Variants in KCTD2 observed in about 807,000 individuals in gnomAD.
The protein encoded by KCTD2 is potassium channel tetramerization domain containing 2.
A neutral mutation model predicts 27.9 loss-of-function variants in KCTD2; 18 were observed. The ratio of observed to expected loss-of-function variants is 0.64; its 90% CI spans 0.45 to 0.96. KCTD2 has a LOEUF of 0.96. Among genes scored for constraint, KCTD2 ranks in the 40% least tolerant of loss-of-function variants. The pLI, the probability that KCTD2 is intolerant of heterozygous loss-of-function variation, is 0.00. For synonymous variants in KCTD2, 175 were observed against 148.4 expected (o/e 1.18, Z -1.30); for missense variants, 280 against 348.0 (o/e 0.80, Z 1.56).
chr17:75,058,707 GA>G (rs1460789776), intron 3 of KCTD2, among the ~76,000 whole-genome samples: 1 of 152,166 alleles, frequency 6.6e-6, no homozygotes, highest in Non-Finnish European at 1.5e-5. Context: ...GCTGAGGCGG[GA>G]GAATCGCTTG....
At position 75,062,529 on chromosome 17, in the gene KCTD2, G is replaced by A. The variant is rs117259305; in HGVS notation, c.762+284G>A. On this transcript the variant is annotated intron_variant, in intron 5 of 5. Transcript: ENST00000322444. ...GCTGGTTGCCACTAATTACTACAGG[G>A]TAGGATTTCTGAACTCAGACTTGGA... 2.5e-3 allele frequency among the ~76,000 whole-genome samples: 385 copies of A among 152,144 alleles called. 11 individuals are homozygous for A. The East Asian group carries it at 0.065, about 26-fold the overall frequency.
chr17:75,051,685 T>C (rs546222322), intron 2 of KCTD2, among the ~76,000 whole-genome samples: 136 of 152,090 alleles, frequency 8.9e-4, no homozygotes, highest in Non-Finnish European at 1.5e-3. Flanking sequence ...TCTGAACTAT[T>C]TGAGAATAGA....
intron 4 of KCTD2, 82 bp from the exon 5 acceptor site, chr17:75,062,038 G>A (rs751612036): frequency 6.2e-5 from 94 of 1,507,914 alleles, no homozygotes; most frequent in Middle Eastern, 1.7e-4. Context: ...AAGTTCAGTC[G>A]GAAGAGGGGT....
Position 75,064,003 on chromosome 17 carries a change from C to G in KCTD2, c.*956C>G, listed in dbSNP as rs1170946623. Reference sequence around the variant, plus strand: ...TGTTGTGTCTCAGAGAGAGTTATTTCTGTGACTCTCTTGGAAATGCCTTGA... The same window carrying G: ...TGTTGTGTCTCAGAGAGAGTTATTTGTGTGACTCTCTTGGAAATGCCTTGA... On this transcript the variant is annotated 3_prime_UTR_variant, in exon 6 of 6. Coordinates refer to ENST00000322444, the MANE Select transcript of KCTD2 (RefSeq NM_015353.3). 1.3e-5 allele frequency: 2 copies of G among 152,776 alleles called. No individual in the cohort carries two copies. Among genetic ancestry groups the G allele is most frequent in the Non-Finnish European group, 2.9e-5 (2 of 68,154 alleles). 9.5% of individuals were successfully genotyped at this position (152,776 alleles called of 1,614,324 possible). A position where few individuals can be genotyped will look rare whatever the true frequency, so the allele number is the denominator to read the frequency against.
Position 75,053,041 on chromosome 17 carries a change from A to C in KCTD2, c.476A>C (p.Asn159Thr). The C allele has an allele frequency of 6.2e-7, 1 of 1,614,170 alleles. No individual in the cohort carries two copies. The highest frequency in any genetic ancestry group is 8.5e-7 in the Non-Finnish European group (1 of 1,180,016). The change falls in exon 3 of 6, where the codon AAC becomes ACC. Residue 159 changes from asparagine (N) to threonine (T), a missense_variant. Physicochemically the swap from Asn to Thr is moderately conservative, Grantham distance 65 (BLOSUM62 0). Transcript: ENST00000322444. ...EGVLEEAEFY[N>T]IASLVRLVKE... ...GTGCTGGAGGAAGCGGAGTTTTACA[A>C]CATCGCGTCCCTTGTGCGGCTGGTT...
At chr17:75,036,673 A>G (rs2040116274) in intron 3 of KCTD2, among the ~76,000 whole-genome samples, 1 of 152,206 alleles carries the variant, frequency 6.6e-6, no homozygotes, top group South Asian at 2.1e-4. Context: ...CGCGAGCTCT[A>G]ACTATGCTCC....
chr17:75,054,629 C>T (rs962540360), intron 3 of KCTD2, among the ~76,000 whole-genome samples: 1 of 151,974 alleles, frequency 6.6e-6, no homozygotes, highest in African/African-American at 2.4e-5. Flanking sequence ...CACGGTGAAA[C>T]CCCGTCTCTA....
intron 3 of KCTD2, among the ~76,000 whole-genome samples, chr17:75,038,329 G>A (rs995898123): frequency 2.0e-5 from 3 of 152,036 alleles, no homozygotes; most frequent in African/African-American, 7.2e-5. Context: ...TTTTAGTAGA[G>A]ATGGGGTTTC....
chr17:75,047,282 C>G lies in KCTD2; in HGVS notation c.32C>G (p.Ala11Gly). The change falls in exon 1 of 6, where the codon GCG becomes GGG. Residue 11 changes from alanine (A) to glycine (G), a missense_variant. Transcript: ENST00000322444. Reference protein sequence around the residue: MAELQLDPAMAGLGGGGGSGV... With the variant: MAELQLDPAMGGLGGGGGSGV... Reference sequence around the variant, plus strand: ...GAACTGCAGCTGGACCCGGCGATGGCGGGGCTGGGAGGGGGCGGCGGGAGT... The same window carrying G: ...GAACTGCAGCTGGACCCGGCGATGGGGGGGCTGGGAGGGGGCGGCGGGAGT... The G allele has an allele frequency of 2.4e-6, 2 of 842,840 alleles. No individual in the cohort carries two copies. The highest frequency in any genetic ancestry group is 1.9e-5 in the African/African-American group (1 of 52,878). The allele number at this position is 842,840 out of a possible 1,614,324, so 52.2% of individuals were successfully genotyped here. A position where few individuals can be genotyped will look rare whatever the true frequency, so the allele number is the denominator to read the frequency against.
At chr17:75,042,747 TAGAG>T (rs1381899313), upstream of KCTD2, 36 of 1,241,824 alleles carry the variant, frequency 2.9e-5, no homozygotes, top group Non-Finnish European at 4.0e-5. Context: ...TAAGAGCTCT[TAGAG>T]AGAATCCTTT....
chr17:75,059,307 TA>T lies in KCTD2; in HGVS notation c.541-198del, dbSNP rs766377900. 1.5e-5 allele frequency: 6 copies of T among 394,634 alleles called. No homozygotes were observed. The East Asian group carries it at 2.2e-4, about 15-fold the overall frequency. 24.4% of individuals were successfully genotyped at this position (394,634 alleles called of 1,614,324 possible). ...CACAGTATGCTGGCTTGTGGTCACT[TA>T]AAAAGAAAAACATTTTTTAAAGAGA... On this transcript the variant is annotated intron_variant, in intron 3 of 5. Transcript: ENST00000322444.
intron 2 of KCTD2, among the ~76,000 whole-genome samples, chr17:75,034,406 A>C (rs1205167321): frequency 2.0e-5 from 3 of 151,840 alleles, no homozygotes; most frequent in African/African-American, 7.3e-5. Flanking sequence ...ACCAAAAGAA[A>C]CCTTGCGAGC....
upstream of KCTD2, among the ~76,000 whole-genome samples, chr17:75,046,634 T>C (rs1036000831): frequency 5.3e-5 from 8 of 152,318 alleles, no homozygotes; most frequent in Non-Finnish European, 8.8e-5. Flanking sequence ...CACCAAACTA[T>C]TGAAGTCTGC....
In KCTD2 at chr17:75,049,097, T is replaced by A. The variant is rs533391601; in HGVS notation, c.340-123T>A. ...AACAAAATTTGCCATCACTAAAGTC[T>A]TTTTTAGCTGATGGAATGAATTGTT... On this transcript the variant is annotated intron_variant, in intron 1 of 5. Coordinates refer to ENST00000322444, the MANE Select transcript of KCTD2 (RefSeq NM_015353.3). The A allele has an allele frequency of 3.3e-5, 20 of 597,840 alleles. No individual in the cohort carries two copies. In the South Asian group the frequency reaches 5.3e-4, roughly 16 times the overall value. The allele number at this position is 597,840 out of a possible 1,614,324, so 37.0% of individuals were successfully genotyped here. A position where few individuals can be genotyped will look rare whatever the true frequency, so the allele number is the denominator to read the frequency against.
In KCTD2 at chr17:75,064,527, A is replaced by T. The variant is rs1023328243; in HGVS notation, c.*1480A>T. 1 of 152,212 alleles carries T rather than the reference A, an allele frequency of 6.6e-6. No individual in the cohort carries two copies. Among genetic ancestry groups the T allele is most frequent in the Non-Finnish European group, 1.5e-5 (1 of 68,066 alleles). The allele number at this position is 152,212 out of a possible 1,614,324, so 9.4% of individuals were successfully genotyped here. On this transcript the variant is annotated 3_prime_UTR_variant, in exon 6 of 6. Transcript: ENST00000322444. ...CTGGAAATGACTGCAGACTGTGCCA[A>T]ATGTCTTTTGAGCTTCTGACCTGAC... is the stretch of plus-strand genomic sequence containing the variant.
upstream of KCTD2, among the ~76,000 whole-genome samples, chr17:75,046,596 T>G (rs1490053241): frequency 6.6e-6 from 1 of 152,220 alleles, no homozygotes; most frequent in East Asian, 1.9e-4. Flanking sequence ...AGGTTAACAC[T>G]GTCTGCGTAA....
At chr17:75,061,864 G>GGT (rs146898601) in intron 4 of KCTD2, among the ~76,000 whole-genome samples, 1 of 143,206 alleles carries the variant, frequency 7.0e-6, no homozygotes, top group Non-Finnish European at 1.6e-5. Context: ...TGCCGCTGAC[G>GGT]GGGGGGGACT....
chr17:75,040,178 G>A (rs1598685879), intron 3 of KCTD2: 3 of 1,611,316 alleles, frequency 1.9e-6, no homozygotes, highest in South Asian at 1.1e-5. Context: ...AAACACAAGG[G>A]CACGGGAACC....
At chr17:75,034,038 C>T (rs2040090371) in exon 2 of KCTD2, 1 of 152,204 alleles carries the variant, frequency 6.6e-6, no homozygotes, top group Non-Finnish European at 1.5e-5. Context: ...CTCAGGGATG[C>T]TGGAATCGAC....
Sources: allele counts gnomAD v4.1 joint callset (sites outside exome capture counted in the v4.1 genomes callset), GRCh38; gene constraint gnomAD v4.1.1; transcripts MANE v1.5; gene names NCBI Gene and HGNC (gene_info 2026-07-23, HGNC 2026-07-21).